The following LSS variants were observed in gnomAD, a reference collection of about 807,000 sequenced individuals.
LSS encodes the protein lanosterol synthase.
In LSS, 90 loss-of-function variants were observed where a neutral mutation model predicts 110.3. That is an observed-to-expected ratio of 0.82 (90% confidence interval 0.69 to 0.97). The LOEUF is 0.97. LSS is among the 50% of genes least tolerant of loss of function. LSS has a pLI of 0.00. For synonymous variants in LSS, 433 were observed against 400.0 expected (o/e 1.08, Z -0.98); for missense variants, 927 against 990.0 (o/e 0.94, Z 0.85).
At position 46,219,481 on chromosome 21, in the gene LSS, C is replaced by A; in HGVS notation, c.642G>T (p.Glu214Asp). ...SWEGLNTLFP[E>D]MWLFPDWAPA... ...CCAATCAACAGCAGACATACCACATCTCTGGGAACAGGGTATTGAGGCCTT... is the reference window on the plus strand; with the variant it reads ...CCAATCAACAGCAGACATACCACATATCTGGGAACAGGGTATTGAGGCCTT... Residue 214 changes from glutamate (E) to aspartate (D), a missense_variant, in exon 6 of 22, where the codon GAG becomes GAT. Coordinates refer to ENST00000397728, the MANE Select transcript of LSS (RefSeq NM_002340.6). The A allele has an allele frequency of 6.3e-7, 1 of 1,591,186 alleles. No homozygotes were observed. Among genetic ancestry groups the A allele is most frequent in the Non-Finnish European group, 8.6e-7 (1 of 1,168,872 alleles).
chr21:46,200,831 A>G (rs948966881), intron 17 of LSS, among the ~76,000 whole-genome samples: 2 of 152,262 alleles, frequency 1.3e-5, no homozygotes, highest in African/African-American at 4.8e-5. Context: ...TTATTGGAAC[A>G]ATTAGGCCTG....
chr21:46,194,565 C>T lies in LSS; in HGVS notation c.1914G>A (p.Glu638=). 1 of 1,613,822 alleles carries T rather than the reference C, an allele frequency of 6.2e-7. No individual in the cohort carries two copies. The change falls in exon 20 of 22, where the codon GAG becomes GAA. Residue 638 remains glutamate, a synonymous_variant. Coordinates refer to ENST00000397728, the MANE Select transcript of LSS (RefSeq NM_002340.6). ...ACTGGGCACTCTGCAAATAACGCCG[C>T]TCCTCGCAGGACTCAAAGTCCTCCC... The part of the protein sequence containing the change: ...GWGEDFESCE[E]RRYLQSAQSQ...
At position 46,188,594 on chromosome 21, in the gene LSS, C is replaced by A; in HGVS notation, c.*2510G>T. 1 of 469,664 alleles carries A rather than the reference C, an allele frequency of 2.1e-6. No individual in the cohort carries two copies. Among genetic ancestry groups the A allele is most frequent in the Non-Finnish European group, 4.4e-6 (1 of 226,840 alleles). 29.1% of individuals were successfully genotyped at this position (469,664 alleles called of 1,614,324 possible). On this transcript the variant is annotated 3_prime_UTR_variant, in exon 22 of 22. Coordinates refer to ENST00000397728, the MANE Select transcript of LSS (RefSeq NM_002340.6). ...CATCTGGGACAGGTCACCCTCCCAG[C>A]ACCGAGAAGCCGACGGGGGAGGAAC...
chr21:46,198,010 TCTAAATTAA>T (rs1336442653), intron 17 of LSS, among the ~76,000 whole-genome samples: 1 of 152,036 alleles, frequency 6.6e-6, no homozygotes, highest in African/African-American at 2.4e-5. Flanking sequence ...ATAATAATCC[TCTAAATTAA>T]CAAAGGACAC....
rs1027473286 is a variant in LSS at position 46,188,488 on chromosome 21, CCT to C, written c.*2614_*2615del. 8.5e-6 allele frequency: 3 copies of C among 353,050 alleles called. No homozygotes were observed. Among genetic ancestry groups the C allele is most frequent in the African/African-American group, 6.5e-5 (3 of 46,352 alleles). 21.9% of individuals were successfully genotyped at this position (353,050 alleles called of 1,614,324 possible). A position where few individuals can be genotyped will look rare whatever the true frequency, so the allele number is the denominator to read the frequency against. On this transcript the variant is annotated 3_prime_UTR_variant, in exon 22 of 22. Transcript: ENST00000397728. ...TTAATCACACTGAGGCAAATATCCC[CCT>C]CAGACAGAGGCTGCACCGGTACAGC... is the stretch of plus-strand genomic sequence containing the variant.
chr21:46,217,632 C>T (rs528145904), intron 6 of LSS, among the ~76,000 whole-genome samples: 39 of 152,280 alleles, frequency 2.6e-4, no homozygotes, highest in African/African-American at 8.4e-4. Context: ...CACCTCCCAA[C>T]CCACCCTCCA....
At chr21:46,194,449 C>T (rs745910745) in intron 20 of LSS, 42 bp downstream of exon 20, 2 of 1,608,368 alleles carry the variant, frequency 1.2e-6, no homozygotes, top group Non-Finnish European at 1.7e-6. Flanking sequence ...TGTCCCTCCT[C>T]TACCCAAACC....
rs1285001671 is a variant in LSS at position 46,208,283 on chromosome 21, C to T, written c.1285G>A (p.Asp429Asn). ...RLSQVPDNPP[D>N]YQKYYRQMRK... ...ATCTGGCGGTAGTACTTCTGGTAGT[C>T]GGGAGGGTTATCTGGGACCTGGGCA... Residue 429 changes from aspartate (D) to asparagine (N), a missense_variant, in exon 14 of 22, where the codon GAC becomes AAC. Asp to Asn is a conservative substitution (Grantham distance 23). Transcript: ENST00000397728. 12 of 1,552,714 alleles carry T rather than the reference C, an allele frequency of 7.7e-6. No individual in the cohort carries two copies. The highest frequency in any genetic ancestry group is 1.2e-5 in the South Asian group (1 of 84,084).
chr21:46,189,875 G>C lies in LSS; in HGVS notation c.*1229C>G. The C allele has an allele frequency of 5.4e-6, 2 of 367,586 alleles. No homozygotes were observed. The highest frequency in any genetic ancestry group is 3.9e-5 in the South Asian group (2 of 51,722). The allele number at this position is 367,586 out of a possible 1,614,324, so 22.8% of individuals were successfully genotyped here. On this transcript the variant is annotated 3_prime_UTR_variant, in exon 22 of 22. Transcript: ENST00000397728. ...CAGTCTCAGGTGGCCCTGAGCATGT[G>C]AGCTGCTCATCCACATCAGGCAAAG...
At chr21:46,203,590 A>G (rs558742018) in intron 17 of LSS, among the ~76,000 whole-genome samples, 1 of 152,382 alleles carries the variant, frequency 6.6e-6, no homozygotes, top group South Asian at 2.1e-4. Flanking sequence ...TATTTTTTAA[A>G]AGGCCAATTC....
Position 46,191,121 on chromosome 21 carries a change from G to A in LSS, c.2182C>T (p.Leu728Phe), listed in dbSNP as rs781082284. 2.6e-5 allele frequency: 42 copies of A among 1,614,008 alleles called. No individual in the cohort carries two copies. Among genetic ancestry groups the A allele is most frequent in the Non-Finnish European group, 3.6e-5 (42 of 1,180,020 alleles). ...RFSQLYPERA[L>F]AGHP ...GCATGTTCTCAGGGGTGGCCAGCAA[G>A]GGCTCTCTCAGGGTACAGCTGGGAG... The change falls in exon 22 of 22, where the codon CTT becomes TTT. Residue 728 changes from leucine (L) to phenylalanine (F), a missense_variant. Leu to Phe is a conservative substitution (Grantham distance 22, BLOSUM62 0). Coordinates refer to ENST00000397728, the MANE Select transcript of LSS (RefSeq NM_002340.6).
In LSS at chr21:46,222,022, C is replaced by T. The variant is rs757519891; in HGVS notation, c.429-47G>A. On this transcript the variant is annotated intron_variant, in intron 4 of 21. Transcript: ENST00000397728. ...GAGAAACCGGTATCTGTCCTTACTT[C>T]TAAGAAATAAAGCAAAACTTTCTGT... 3.1e-6 allele frequency: 5 copies of T among 1,599,676 alleles called. No individual in the cohort carries two copies. In the South Asian group the frequency reaches 5.6e-5, roughly 18 times the overall value.
At chr21:46,221,718 G>T in intron 5 of LSS, 136 bp downstream of exon 5, 1 of 1,322,558 alleles carries the variant, frequency 7.6e-7, no homozygotes, top group Non-Finnish European at 1.1e-6. Context: ...GCCTACTTCT[G>T]CTTTGACAAA....
chr21:46,196,983 G>A (rs2079918070), intron 17 of LSS, among the ~76,000 whole-genome samples: 1 of 152,252 alleles, frequency 6.6e-6, no homozygotes, highest in South Asian at 2.1e-4. Context: ...CTCACTGGAA[G>A]CTCAGGCGAG....
chr21:46,208,559 C>T (rs1233941587), intron 13 of LSS, among the ~76,000 whole-genome samples: 2 of 152,312 alleles, frequency 1.3e-5, no homozygotes, highest in Admixed American at 1.3e-4. Context: ...TGGGAGTCAG[C>T]ACCTGACTCC....
In LSS at chr21:46,188,951, A is replaced by C; in HGVS notation, c.*2153T>G. Reference sequence around the variant, plus strand: ...AATAGGCTATGCTATTATCTCTTAAAATATCTGTTTTCCCTCAGGTAACTG... The same window carrying C: ...AATAGGCTATGCTATTATCTCTTAACATATCTGTTTTCCCTCAGGTAACTG... On this transcript the variant is annotated 3_prime_UTR_variant, in exon 22 of 22. Coordinates refer to ENST00000397728, the MANE Select transcript of LSS (RefSeq NM_002340.6). 2.7e-6 allele frequency: 1 copy of C among 365,876 alleles called. No individual in the cohort carries two copies. The highest frequency in any genetic ancestry group is 5.6e-6 in the Non-Finnish European group (1 of 179,792). The allele number at this position is 365,876 out of a possible 1,614,324, so 22.7% of individuals were successfully genotyped here. A position where few individuals can be genotyped will look rare whatever the true frequency, so the allele number is the denominator to read the frequency against.
intron 6 of LSS, among the ~76,000 whole-genome samples, chr21:46,218,220 C>G (rs750987607): frequency 3.3e-5 from 5 of 152,074 alleles, no homozygotes; most frequent in Non-Finnish European, 5.9e-5. Flanking sequence ...AGCAGGGGCT[C>G]TGTGTGGTTC....
intron 9 of LSS, among the ~76,000 whole-genome samples, chr21:46,214,744 C>G (rs2080177812): frequency 6.6e-6 from 1 of 152,180 alleles, no homozygotes; most frequent in Non-Finnish European, 1.5e-5. Flanking sequence ...CCTAGCTAGG[C>G]AGGAGGAATC....
chr21:46,228,708 G>A (rs2080391366), intron 1 of LSS, 24 bp downstream of exon 1: 1 of 1,602,598 alleles, frequency 6.2e-7, no homozygotes, highest in Non-Finnish European at 8.5e-7. Context: ...GCATTCGTCA[G>A]GAGCCCGGGG....
Sources: gnomAD v4.1 joint callset for allele counts (sites outside exome capture counted in the v4.1 genomes callset) on GRCh38, gnomAD v4.1.1 for gene constraint, MANE v1.5 for transcripts, NCBI Gene and HGNC (gene_info 2026-07-23, HGNC 2026-07-21) for gene names.